Variants in WT1 observed in about 807,000 individuals in gnomAD.
The protein encoded by WT1 is Wilms tumor protein.
WT1 carries 8 observed loss-of-function variants against 60.8 expected under a neutral mutation model. That is an observed-to-expected ratio of 0.13 (90% CI 0.08 to 0.24). The LOEUF is 0.24. Among genes scored for constraint, WT1 ranks in the 10% least tolerant of loss-of-function variants. WT1 has a pLI of 1.00. For synonymous variants in WT1, 312 were observed against 297.1 expected, an observed-to-expected ratio of 1.05 and a Z score of -0.52; for missense variants, 568 against 711.8, an observed-to-expected ratio of 0.80 and a Z score of 2.30.
intron 6 of WT1, among the ~76,000 whole-genome samples, chr11:32,399,029 A>T (rs1192120630): frequency 2.0e-5 from 3 of 151,262 alleles, no homozygotes; most frequent in African/African-American, 7.3e-5. Flanking sequence ...GGTGGTGGGC[A>T]CCTGTAGTCC....
At chr11:32,392,560 A>G (rs576822557) in intron 8 of WT1, 106 bp downstream of exon 8, 2 of 1,112,650 alleles carry the variant, frequency 1.8e-6, no homozygotes, top group South Asian at 1.3e-5. Flanking sequence ...GAAAAACTAA[A>G]CACATGGCTG....
intron 4 of WT1, 55 bp from the exon 5 acceptor site, chr11:32,416,595 A>T: frequency 6.2e-7 from 1 of 1,600,756 alleles, no homozygotes; most frequent in Non-Finnish European, 8.6e-7. Context: ...GGATCTGGCA[A>T]GCCCCCCAGA....
intron 3 of WT1, among the ~76,000 whole-genome samples, chr11:32,418,701 A>T (rs1027360767): frequency 5.3e-5 from 8 of 152,216 alleles, no homozygotes; most frequent in African/African-American, 1.9e-4. Flanking sequence ...ACCAAATTTT[A>T]ATTCAGAAAG....
intron 5 of WT1, among the ~76,000 whole-genome samples, chr11:32,406,711 C>T (rs1852322854): frequency 6.6e-6 from 1 of 152,228 alleles, no homozygotes; most frequent in Non-Finnish European, 1.5e-5. Flanking sequence ...CGCTTCACTT[C>T]TGGCAGTGGC....
rs548544187 is a variant in WT1 at position 32,400,003 on chromosome 11, A to T, written c.1058T>A (p.Ile353Asn). Residue 353 changes from isoleucine (I) to asparagine (N), a missense_variant, in exon 6 of 10, where the codon ATC (isoleucine) becomes AAC (asparagine). Physicochemically the swap from Ile to Asn is moderately radical, Grantham distance 149. Around this residue, in one of 3 missense-constraint regions of WT1, gnomAD observed 523 missense variants for 565.1 expected, o/e 0.93. Coordinates refer to ENST00000452863, the MANE Select transcript of WT1 (RefSeq NM_024426.6). ...TATTCTGTATTGGGCTCCGCAGAGGATGGGCGTTGTGTGGTTATCGCTCTC... is the reference window on the plus strand; with the variant it reads ...TATTCTGTATTGGGCTCCGCAGAGGTTGGGCGTTGTGTGGTTATCGCTCTC... 6.2e-7 allele frequency: 1 copy of T among 1,614,168 alleles called. No individual in the cohort carries two copies. The highest frequency in any genetic ancestry group is 1.1e-5 in the South Asian group (1 of 91,076).
intron 3 of WT1, among the ~76,000 whole-genome samples, chr11:32,426,453 GC>G (rs1254111561): frequency 6.6e-6 from 1 of 152,234 alleles, no homozygotes; most frequent in Non-Finnish European, 1.5e-5. Flanking sequence ...TGCGAATCCT[GC>G]CCCCATTCCA....
chr11:32,430,442 G>C (rs76731540), intron 1 of WT1: 2 of 1,363,020 alleles, frequency 1.5e-6, no homozygotes, highest in Non-Finnish European at 2.0e-6. Context: ...CAGAGAGAGA[G>C]AGAGAGAGGG....
At chr11:32,408,474 C>T (rs1233698228) in intron 5 of WT1, among the ~76,000 whole-genome samples, 2 of 128,016 alleles carry the variant, frequency 1.6e-5, no homozygotes, top group Non-Finnish European at 3.1e-5. Context: ...AAGATTGGGC[C>T]ATTTCACTCC....
intron 3 of WT1, among the ~76,000 whole-genome samples, chr11:32,427,022 G>A (rs1853068896): frequency 1.3e-5 from 2 of 152,310 alleles, no homozygotes; most frequent in South Asian, 4.1e-4. Context: ...GCGCGGAGGG[G>A]AGGGAGGATG....
At chr11:32,424,727 T>C (rs1852969432) in intron 3 of WT1, among the ~76,000 whole-genome samples, 1 of 152,278 alleles carries the variant, frequency 6.6e-6, no homozygotes, top group African/African-American at 2.4e-5. Flanking sequence ...TCCTCAGAAC[T>C]GTCACCTGAG....
chr11:32,407,773 G>A (rs1852361172), intron 5 of WT1, among the ~76,000 whole-genome samples: 1 of 151,910 alleles, frequency 6.6e-6, no homozygotes, highest in African/African-American at 2.4e-5. Context: ...CTTGTTTAAG[G>A]ATCTATGCTA....
At chr11:32,427,084 G>A (rs1318417307) in intron 3 of WT1, among the ~76,000 whole-genome samples, 2 of 152,224 alleles carry the variant, frequency 1.3e-5, no homozygotes, top group Non-Finnish European at 1.5e-5. Context: ...CCAGGGAGGA[G>A]GGGGCTATGA....
intron 9 of WT1, among the ~76,000 whole-genome samples, chr11:32,389,653 A>C (rs1306250896): frequency 1.3e-5 from 2 of 152,120 alleles, no homozygotes; most frequent in Admixed American, 1.3e-4. Flanking sequence ...TGAAGCTTTT[A>C]ACACTTCTAT....
chr11:32,413,844 G>C (rs976114689), intron 5 of WT1, among the ~76,000 whole-genome samples: 11 of 152,138 alleles, frequency 7.2e-5, no homozygotes, highest in African/African-American at 2.7e-4. Context: ...CTAATCTAGG[G>C]CCCAGGTCCT....
chr11:32,414,271 T>C (rs1852594710), intron 5 of WT1, among the ~76,000 whole-genome samples: 1 of 152,190 alleles, frequency 6.6e-6, no homozygotes, highest in Non-Finnish European at 1.5e-5. Context: ...ATATTGTGTT[T>C]GTTTGTTTTG....
intron 1 of WT1, among the ~76,000 whole-genome samples, chr11:32,431,270 C>T (rs1208467634): frequency 1.3e-5 from 2 of 152,128 alleles, no homozygotes; most frequent in Non-Finnish European, 2.9e-5. Context: ...TGTCCCCCAA[C>T]AAAATACCCT....
rs2132920088 is a variant in WT1, at chr11:32,392,694, C to G, written c.1326G>C (p.Gln442His). 6.2e-7 allele frequency: 1 copy of G among 1,614,032 alleles called. No homozygotes were observed. Among genetic ancestry groups the G allele is most frequent in the Non-Finnish European group, 8.5e-7 (1 of 1,179,918 alleles). ...TATGTCTCCTTTGGTGTCTTTTGAG[C>G]TGGTCTGAACGAGAAAACCTTCGTT... Residue 442 changes from glutamine (Q) to histidine (H), a missense_variant, in exon 8 of 10, where the codon CAG becomes CAC. Transcript: ENST00000452863.
rs1479678420 is a variant in WT1, at chr11:32,435,137, C to T, written c.224G>A (p.Gly75Asp). 1 of 1,519,326 alleles carries T rather than the reference C, an allele frequency of 6.6e-7. No individual in the cohort carries two copies. Among genetic ancestry groups the T allele is most frequent in the East Asian group, 2.6e-5 (1 of 38,792 alleles). The allele number at this position is 1,519,326 out of a possible 1,614,324, so 94.1% of individuals were successfully genotyped here. A position where few individuals can be genotyped will look rare whatever the true frequency, so the allele number is the denominator to read the frequency against. ...CGCGTTCAGGTCCCGCACGTCGGAG[C>T]CCATTTGCTGCGGCTCAGACCCGGA... Residue 75 changes from glycine to aspartate, a missense_variant, in exon 1 of 10, where the codon GGC becomes GAC. By Grantham distance (94) the Gly-to-Asp change is moderately conservative (BLOSUM62 -1). Coordinates refer to ENST00000452863, the MANE Select transcript of WT1 (RefSeq NM_024426.6).
chr11:32,423,432 CA>C (rs375798330), intron 3 of WT1, among the ~76,000 whole-genome samples: 264 of 152,360 alleles, frequency 1.7e-3, no homozygotes, highest in African/African-American at 6.1e-3. Flanking sequence ...TAATGGCCTT[CA>C]GGGAAAACGC....
Sources: gnomAD v4.1 joint callset for allele counts (sites outside exome capture counted in the v4.1 genomes callset) on GRCh38, gnomAD v4.1.1 for gene constraint, gnomAD v4.1.1 regional missense constraint, MANE v1.5 for transcripts, NCBI Gene and HGNC (gene_info 2026-07-23, HGNC 2026-07-21) for gene names.